The following MRC2 variants were observed in gnomAD, a reference collection of about 807,000 sequenced individuals.
The protein encoded by MRC2 is mannose receptor C-type 2.
A neutral mutation model predicts 206.2 loss-of-function variants in MRC2; 84 were observed. The observed-to-expected ratio is 0.41, with a 90% CI of 0.34 to 0.49. The LOEUF (loss-of-function observed/expected upper bound fraction) is 0.49. Ranked by LOEUF, MRC2 falls within the 20% of genes least tolerant of loss-of-function variation. MRC2 has a pLI of 0.31. For synonymous variants in MRC2, 798 were observed against 800.0 expected (o/e 1.00, Z 0.04); for missense variants, 1,676 against 2,001.5 (o/e 0.84, Z 3.10).
intron 1 of MRC2, among the ~76,000 whole-genome samples, chr17:62,628,429 G>C (rs1340316382): frequency 3.3e-5 from 5 of 152,128 alleles, no homozygotes; most frequent in Non-Finnish European, 4.4e-5. Flanking sequence ...TGCATCTCGT[G>C]GGCGTTGATA....
intron 2 of MRC2, among the ~76,000 whole-genome samples, chr17:62,665,398 C>A (rs542514746): frequency 1.0e-5 from 1 of 96,434 alleles, no homozygotes; most frequent in African/African-American, 4.0e-5. Flanking sequence ...GAGCAAGACT[C>A]TGTCCCCCCC....
intron 1 of MRC2, among the ~76,000 whole-genome samples, chr17:62,646,794 A>C (rs1177212463): frequency 6.6e-6 from 1 of 152,264 alleles, no homozygotes; most frequent in African/African-American, 2.4e-5. Flanking sequence ...TTTGAAACAA[A>C]GGACAGATGC....
At position 62,627,712 on chromosome 17, in the gene MRC2, GGCGGTCATCACAGCCCA is replaced by G. The variant is rs2084179118; in HGVS notation, c.-88_-72del. 1.0e-6 allele frequency: 1 copy of G among 955,760 alleles called. No homozygotes were observed. The highest frequency in any genetic ancestry group is 4.2e-5 in the Admixed American group (1 of 23,856). The allele number at this position is 955,760 out of a possible 1,614,324, so 59.2% of individuals were successfully genotyped here. ...CGGAGGAGGACGCGAGCCCCTTGCGGGCGGTCATCACAGCCCAGCCTCGGGGCTGCCACAGCGCGTTG... is the reference window on the plus strand; with the variant it reads ...CGGAGGAGGACGCGAGCCCCTTGCGGGCCTCGGGGCTGCCACAGCGCGTTG... On this transcript the variant is annotated 5_prime_UTR_variant, in exon 1 of 30. Coordinates refer to ENST00000303375, the MANE Select transcript of MRC2 (RefSeq NM_006039.5).
At chr17:62,644,507 C>G (rs1467963589) in intron 1 of MRC2, among the ~76,000 whole-genome samples, 5 of 152,164 alleles carry the variant, frequency 3.3e-5, no homozygotes, top group African/African-American at 9.7e-5. Flanking sequence ...TGAAGACCAC[C>G]TTAGGCAACA....
At chr17:62,665,138 G>T (rs909586857) in intron 2 of MRC2, among the ~76,000 whole-genome samples, 189 bp downstream of exon 2, 7 of 152,142 alleles carry the variant, frequency 4.6e-5, no homozygotes, top group Non-Finnish European at 1.0e-4. Flanking sequence ...GGTGGCTCAC[G>T]CCTGTAATCC....
intron 22 of MRC2, 86 bp downstream of exon 22, chr17:62,688,750 G>T (rs895659337): frequency 1.0e-5 from 16 of 1,592,768 alleles, no homozygotes; most frequent in Admixed American, 3.4e-5. Context: ...TTGCCCCAGG[G>T]TCTCCCTTCT....
chr17:62,646,193 T>G (rs374643226), intron 1 of MRC2, among the ~76,000 whole-genome samples: 2 of 151,600 alleles, frequency 1.3e-5, no homozygotes, highest in Admixed American at 6.6e-5. Context: ...CCCAGCTAAT[T>G]TTTTGTATTT....
At chr17:62,677,530 G>A (rs377247160) in intron 12 of MRC2, 44 bp downstream of exon 12, 450 of 1,509,392 alleles carry the variant, frequency 3.0e-4, no homozygotes, top group Non-Finnish European at 3.8e-4. Flanking sequence ...GGGAGGACAG[G>A]AGCAAAGAGA....
At chr17:62,633,105 G>C (rs1277573152) in intron 1 of MRC2, among the ~76,000 whole-genome samples, 3 of 152,130 alleles carry the variant, frequency 2.0e-5, no homozygotes, top group Non-Finnish European at 4.4e-5. Flanking sequence ...GGTATTATAA[G>C]ATTACATACA....
At chr17:62,648,388 C>T (rs1055664947) in intron 1 of MRC2, among the ~76,000 whole-genome samples, 1 of 152,218 alleles carries the variant, frequency 6.6e-6, no homozygotes, top group African/African-American at 2.4e-5. Flanking sequence ...GTCAACTCCT[C>T]CCGTCCCAGT....
intron 1 of MRC2, among the ~76,000 whole-genome samples, chr17:62,639,863 T>G (rs2088376597): frequency 6.6e-6 from 1 of 151,798 alleles, no homozygotes; most frequent in Non-Finnish European, 1.5e-5. Flanking sequence ...TAATGATTCT[T>G]TTTTTTTGAG....
intron 2 of MRC2, among the ~76,000 whole-genome samples, chr17:62,665,715 C>G (rs2088744101): frequency 6.6e-6 from 1 of 152,092 alleles, no homozygotes; most frequent in Non-Finnish European, 1.5e-5. Flanking sequence ...TGGGAGACCC[C>G]CTGAGTTCCG....
At chr17:62,681,735 G>T in intron 18 of MRC2, 102 bp from the exon 19 acceptor site, 1 of 910,996 alleles carries the variant, frequency 1.1e-6, no homozygotes, top group East Asian at 2.7e-5. Context: ...CCCAGAACCT[G>T]GGCCCTTCCC....
At chr17:62,681,709 C>T in intron 18 of MRC2, 128 bp from the exon 19 acceptor site, 2 of 735,056 alleles carry the variant, frequency 2.7e-6, no homozygotes, top group Non-Finnish European at 4.6e-6. Flanking sequence ...CACCCCTCAG[C>T]CTACAGCCAC....
chr17:62,658,834 G>C (rs375222526), intron 1 of MRC2, among the ~76,000 whole-genome samples: 1 of 152,210 alleles, frequency 6.6e-6, no homozygotes, highest in Non-Finnish European at 1.5e-5. Context: ...GCCTGGAGTA[G>C]AGTTTCTGAG....
chr17:62,627,967 G>A, intron 1 of MRC2, 47 bp downstream of exon 1: 1 of 1,262,490 alleles, frequency 7.9e-7, no homozygotes, highest in South Asian at 1.7e-5. Flanking sequence ...GGCGGGGGGA[G>A]CGCCGAGGCG....
intron 1 of MRC2, among the ~76,000 whole-genome samples, chr17:62,632,452 G>C (rs1294488489): frequency 6.6e-6 from 1 of 152,124 alleles, no homozygotes; most frequent in Non-Finnish European, 1.5e-5. Context: ...TTCTCTGACT[G>C]TGCATTCTGC....
chr17:62,633,347 A>C (rs888620601), intron 1 of MRC2, among the ~76,000 whole-genome samples: 4 of 151,992 alleles, frequency 2.6e-5, no homozygotes, highest in African/African-American at 9.7e-5. Flanking sequence ...CTAAAAATAC[A>C]AAAAATTAGC....
At chr17:62,684,272 C>T (rs1252199302) in intron 20 of MRC2, among the ~76,000 whole-genome samples, 1 of 152,170 alleles carries the variant, frequency 6.6e-6, no homozygotes, top group African/African-American at 2.4e-5. Flanking sequence ...TAATTCTCCC[C>T]ATTTTTAGTC....
Sources: gnomAD v4.1 joint callset for allele counts (sites outside exome capture counted in the v4.1 genomes callset) on GRCh38, gnomAD v4.1.1 for gene constraint, MANE v1.5 for transcripts, NCBI Gene and HGNC (gene_info 2026-07-23, HGNC 2026-07-21) for gene names.